The following GRIK4 variants were observed in gnomAD, a reference collection of about 807,000 sequenced individuals.
GRIK4 encodes the protein glutamate ionotropic receptor kainate type subunit 4.
GRIK4 carries 40 observed loss-of-function variants against 104.9 expected under a neutral mutation model. The observed-to-expected ratio is 0.38, with a 90% CI of 0.30 to 0.50. The LOEUF (loss-of-function observed/expected upper bound fraction) is 0.50, where lower values mean the gene tolerates loss of function less well. Among genes scored for constraint, GRIK4 ranks in the 20% least tolerant of loss-of-function variants. The pLI is 0.93. For missense variants in GRIK4, 1,047 were observed against 1,308.1 expected (o/e 0.80, Z 3.08); for synonymous variants, 485 against 524.9 (o/e 0.92, Z 1.04).
intron 13 of GRIK4, among the ~76,000 whole-genome samples, chr11:120,930,865 G>C (rs1388693303): frequency 6.6e-6 from 1 of 152,140 alleles, no homozygotes; most frequent in Non-Finnish European, 1.5e-5. Context: ...TGCAGGAGTA[G>C]GCAGACCATG....
chr11:120,711,697 A>G (rs1048766487), intron 3 of GRIK4, among the ~76,000 whole-genome samples: 12 of 152,214 alleles, frequency 7.9e-5, no homozygotes, highest in Non-Finnish European at 1.5e-4. Flanking sequence ...ACTTCCCAAA[A>G]TGTCCATTGC....
At chr11:120,923,712 C>T (rs984473517) in intron 13 of GRIK4, among the ~76,000 whole-genome samples, 1 of 152,136 alleles carries the variant, frequency 6.6e-6, no homozygotes, top group Non-Finnish European at 1.5e-5. Context: ...TGCGCCCGGC[C>T]CCATTCGCTC....
At chr11:120,577,634 C>T (rs1047203166) in intron 1 of GRIK4, among the ~76,000 whole-genome samples, 2 of 152,088 alleles carry the variant, frequency 1.3e-5, no homozygotes, top group African/African-American at 2.4e-5. Flanking sequence ...ATTTAGAGAG[C>T]CAGGGGATCA....
chr11:120,846,265 G>A (rs1050894924), intron 8 of GRIK4, among the ~76,000 whole-genome samples: 1 of 152,220 alleles, frequency 6.6e-6, no homozygotes, highest in African/African-American at 2.4e-5. Flanking sequence ...TTTGCATATG[G>A]AAAATGCTAC....
rs1269122585 is a variant in GRIK4 at position 120,953,039 on chromosome 11, TG to T, written c.1700+79del. ...CTCTGGGAACTGCATGGGGAGGGGG[TG>T]GGGAGGAGGAGAGGGGGAGGAGGAG... On this transcript the variant is annotated intron_variant, in intron 15 of 20. Coordinates refer to ENST00000527524, the MANE Select transcript of GRIK4 (RefSeq NM_014619.5). This position sits in a 1 kb window ranked among gnomAD's most constrained non-coding sequence, Gnocchi z 4.9. 3 of 774,130 alleles carry T rather than the reference TG, an allele frequency of 3.9e-6. No homozygotes were observed. Among genetic ancestry groups the T allele is most frequent in the East Asian group, 2.8e-5 (1 of 36,154 alleles). The allele number at this position is 774,130 out of a possible 1,614,324, so 48.0% of individuals were successfully genotyped here.
chr11:120,942,464 C>G (rs977271276), intron 14 of GRIK4, among the ~76,000 whole-genome samples: 1 of 152,150 alleles, frequency 6.6e-6, no homozygotes, highest in Non-Finnish European at 1.5e-5. Context: ...TAGGCTCTGG[C>G]CTTGGTGTCT....
At chr11:120,602,284 T>G (rs1285219225) in intron 1 of GRIK4, among the ~76,000 whole-genome samples, 1 of 152,204 alleles carries the variant, frequency 6.6e-6, no homozygotes, top group Non-Finnish European at 1.5e-5. Flanking sequence ...CTCAACTGAT[T>G]GAGTTTTTGT....
At chr11:120,631,371 G>A (rs990942740) in intron 1 of GRIK4, among the ~76,000 whole-genome samples, 6 of 152,166 alleles carry the variant, frequency 3.9e-5, no homozygotes, top group Non-Finnish European at 8.8e-5. Context: ...GAGCTCCCTG[G>A]GGATATGGAT....
intron 3 of GRIK4, among the ~76,000 whole-genome samples, chr11:120,661,015 C>G (rs1280735771): frequency 6.6e-6 from 1 of 152,098 alleles, no homozygotes; most frequent in Admixed American, 6.5e-5. Context: ...CCTGGAGGGG[C>G]GGGTCTGGGA....
intron 3 of GRIK4, among the ~76,000 whole-genome samples, chr11:120,782,614 T>C (rs191048016): frequency 1.3e-5 from 2 of 152,104 alleles, no homozygotes; most frequent in East Asian, 1.9e-4. Flanking sequence ...TCAGCAGACA[T>C]TGGGATGCTC....
chr11:120,917,707 G>A (rs536840669), intron 13 of GRIK4, among the ~76,000 whole-genome samples: 12 of 152,284 alleles, frequency 7.9e-5, no homozygotes, highest in African/African-American at 2.6e-4. Context: ...GGAGTTGCCC[G>A]GGGGGATCTG....
In GRIK4 at chr11:120,919,766, C is replaced by A. The variant is rs1022819082; in HGVS notation, c.1476+14273C>A. 1.3e-4 allele frequency among the ~76,000 whole-genome samples: 20 copies of A among 152,040 alleles called. No individual in the cohort carries two copies. In the East Asian group the frequency reaches 3.3e-3, roughly 25 times the overall value. ...AAGTGGTGGTGATGGATTCAACAGG[C>A]GTTTCAGAGGTAAAAGGGATGGGGC... On this transcript the variant is annotated intron_variant, in intron 13 of 20. Coordinates refer to ENST00000527524, the MANE Select transcript of GRIK4 (RefSeq NM_014619.5).
chr11:120,752,529 A>G (rs980627612), intron 3 of GRIK4, among the ~76,000 whole-genome samples: 3 of 152,258 alleles, frequency 2.0e-5, no homozygotes, highest in Non-Finnish European at 4.4e-5. Flanking sequence ...CTGAGCCCAG[A>G]GGGTCTTCTC....
At chr11:120,980,123 A>G (rs1944627393) in intron 19 of GRIK4, among the ~76,000 whole-genome samples, 1 of 152,202 alleles carries the variant, frequency 6.6e-6, no homozygotes, top group Admixed American at 6.5e-5. Flanking sequence ...GGCATGCACC[A>G]CTGCATCCAG....
chr11:120,961,060 A>C lies in GRIK4; in HGVS notation c.2026A>C (p.Met676Leu). 1 of 1,614,126 alleles carries C rather than the reference A, an allele frequency of 6.2e-7. No homozygotes were observed. ...TGGCACAATTCACGGAGGCTCCAGCATGACCTTCTTCCAAGTAAACCCCAT... is the reference window on the plus strand; with the variant it reads ...TGGCACAATTCACGGAGGCTCCAGCCTGACCTTCTTCCAAGTAAACCCCAT... ...EYGTIHGGSS[M>L]TFFQNSRYQT... is the part of the protein sequence containing the mutation. Residue 676 changes from methionine (M) to leucine (L), a missense_variant, in exon 17 of 21, where the codon ATG becomes CTG. Transcript: ENST00000527524.
chr11:120,780,089 G>A (rs1042575739), intron 3 of GRIK4, among the ~76,000 whole-genome samples: 3 of 152,204 alleles, frequency 2.0e-5, no homozygotes, highest in African/African-American at 7.2e-5. Context: ...AGATTATCAT[G>A]AGATACAAAT....
chr11:120,547,919 A>G (rs1337386733), intron 1 of GRIK4, among the ~76,000 whole-genome samples: 1 of 152,198 alleles, frequency 6.6e-6, no homozygotes, highest in Non-Finnish European at 1.5e-5. Flanking sequence ...GGGAGTCTGC[A>G]GCCCAGGGCT....
At chr11:120,861,093 C>CTTTTTTTTTTTTTT (rs547199127) in intron 8 of GRIK4, among the ~76,000 whole-genome samples, 1 of 86,570 alleles carries the variant, frequency 1.2e-5, no homozygotes, top group Non-Finnish European at 2.3e-5. Context: ...AAATCATCCT[C>CTTTTTTTTTTTTTT]TTTTTTTTTT....
chr11:120,587,694 G>A (rs143452550), intron 1 of GRIK4, among the ~76,000 whole-genome samples: 2 of 152,160 alleles, frequency 1.3e-5, no homozygotes, highest in African/African-American at 4.8e-5. Flanking sequence ...CGTTTGCAAG[G>A]CCAGCCTCGC....
Sources: gnomAD v4.1 joint callset for allele counts (sites outside exome capture counted in the v4.1 genomes callset) on GRCh38, gnomAD v4.1.1 for gene constraint, Gnocchi (gnomAD v3.1) non-coding constraint, MANE v1.5 for transcripts, NCBI Gene and HGNC (gene_info 2026-07-23, HGNC 2026-07-21) for gene names.